The following GRK5 variants were observed in gnomAD, a reference collection of about 807,000 sequenced individuals.
GRK5 encodes G protein-coupled receptor kinase 5, also known as g protein-coupled receptor kinase GRK5.
In GRK5, 40 loss-of-function variants were observed where a neutral mutation model predicts 78.4. The observed-to-expected ratio is 0.51, with a 90% CI of 0.40 to 0.66. The LOEUF (loss-of-function observed/expected upper bound fraction) is 0.66. Among genes scored for constraint, GRK5 ranks in the 30% least tolerant of loss-of-function variants. The pLI is 0.00. For missense variants in GRK5, 598 were observed against 759.9 expected (o/e 0.79, Z 2.50); for synonymous variants, 289 against 296.8 (o/e 0.97, Z 0.27).
chr10:119,228,110 A>G (rs191869613), intron 1 of GRK5, among the ~76,000 whole-genome samples: 5 of 152,294 alleles, frequency 3.3e-5, no homozygotes, highest in Non-Finnish European at 7.4e-5. Context: ...GTAGACTCAT[A>G]CATAGCTATT....
intron 1 of GRK5, among the ~76,000 whole-genome samples, chr10:119,323,892 G>T (rs1589744840): frequency 2.6e-5 from 4 of 152,042 alleles, no homozygotes; most frequent in Admixed American, 2.6e-4. Context: ...TATCATTCTT[G>T]TGCCTTTGTG....
chr10:119,420,592 C>CT (rs1210530768), intron 4 of GRK5, among the ~76,000 whole-genome samples: 5 of 90,730 alleles, frequency 5.5e-5, no homozygotes, highest in Admixed American at 1.1e-4. Flanking sequence ...TTTCTTTTTT[C>CT]TTTTGAGACA....
chr10:119,289,236 G>A (rs1381151375), intron 1 of GRK5, among the ~76,000 whole-genome samples: 2 of 152,106 alleles, frequency 1.3e-5, no homozygotes, highest in African/African-American at 4.8e-5. Flanking sequence ...CTTCTCTGTG[G>A]CCCCTGCTCA....
At chr10:119,316,408 T>C (rs574733978) in intron 1 of GRK5, among the ~76,000 whole-genome samples, 1 of 152,276 alleles carries the variant, frequency 6.6e-6, no homozygotes, top group East Asian at 1.9e-4. Context: ...TGCAACACAG[T>C]TCTAACTACC....
intron 4 of GRK5, among the ~76,000 whole-genome samples, chr10:119,418,078 C>T (rs762062419): frequency 1.3e-5 from 2 of 152,194 alleles, no homozygotes; most frequent in Non-Finnish European, 2.9e-5. Flanking sequence ...CCAGCACGAG[C>T]TCTGTCCGAT....
intron 3 of GRK5, among the ~76,000 whole-genome samples, chr10:119,394,545 G>GTGT (rs1554916376): frequency 1.6e-3 from 20 of 12,862 alleles, no homozygotes; most frequent in Admixed American, 1.8e-3. Flanking sequence ...ATCTGTGTGT[G>GTGT]GGGGCACGTG....
intron 5 of GRK5, among the ~76,000 whole-genome samples, chr10:119,423,981 C>T (rs1267833180): frequency 6.6e-6 from 1 of 152,172 alleles, no homozygotes; most frequent in Non-Finnish European, 1.5e-5. Flanking sequence ...CCAAGGTGAA[C>T]AAGAACCCAA....
At chr10:119,392,379 A>G (rs867196934) in intron 3 of GRK5, among the ~76,000 whole-genome samples, 3 of 152,192 alleles carry the variant, frequency 2.0e-5, no homozygotes, top group African/African-American at 7.2e-5. Context: ...TATCTGGATT[A>G]TGGATTGTCA....
At chr10:119,381,056 C>T in intron 3 of GRK5, 129 bp downstream of exon 3, 1 of 596,968 alleles carries the variant, frequency 1.7e-6, no homozygotes, top group South Asian at 2.4e-5. Context: ...AAAACTCCCA[C>T]TACAGACTTT....
intron 2 of GRK5, among the ~76,000 whole-genome samples, chr10:119,361,281 A>C (rs1851358205): frequency 6.6e-6 from 1 of 152,156 alleles, no homozygotes; most frequent in Non-Finnish European, 1.5e-5. Flanking sequence ...GTGCGGGAAC[A>C]TGAGCAGAAG....
At chr10:119,233,063 C>A (rs566911929) in intron 1 of GRK5, among the ~76,000 whole-genome samples, 6 of 152,298 alleles carry the variant, frequency 3.9e-5, no homozygotes, top group African/African-American at 1.4e-4. Flanking sequence ...GTCTGGGCCT[C>A]CCTCAGTGGC....
At chr10:119,405,175 G>A (rs79137271) in intron 4 of GRK5, among the ~76,000 whole-genome samples, 3,197 of 152,222 alleles carry the variant, frequency 0.021, 111 homozygotes, top group African/African-American at 0.071. Flanking sequence ...AAGGGCCTGC[G>A]TGGGTTCTTC....
chr10:119,229,309 A>G (rs939460252), intron 1 of GRK5, among the ~76,000 whole-genome samples: 5 of 151,938 alleles, frequency 3.3e-5, no homozygotes, highest in African/African-American at 1.2e-4. Flanking sequence ...TTTAATAGTA[A>G]CCACCATTAT....
chr10:119,395,165 T>A (rs994922676), intron 3 of GRK5, among the ~76,000 whole-genome samples: 4 of 152,156 alleles, frequency 2.6e-5, no homozygotes, highest in African/African-American at 9.7e-5. Context: ...AAATGAGGGG[T>A]GGGATTCCTT....
At chr10:119,322,608 T>C (rs1850605127) in intron 1 of GRK5, among the ~76,000 whole-genome samples, 1 of 152,210 alleles carries the variant, frequency 6.6e-6, no homozygotes. Flanking sequence ...AGTGTGCATG[T>C]ATAAAATAGA....
At chr10:119,215,659 A>G (rs1271430992) in intron 1 of GRK5, among the ~76,000 whole-genome samples, 2 of 152,054 alleles carry the variant, frequency 1.3e-5, no homozygotes, top group Admixed American at 1.3e-4. Flanking sequence ...TTAAGCTACC[A>G]TATCCTCCCC....
At chr10:119,245,939 G>C (rs4495807) in intron 1 of GRK5, among the ~76,000 whole-genome samples, 24,943 of 143,270 alleles carry the variant, frequency 0.17, 3,071 homozygotes, top group African/African-American at 0.35. Flanking sequence ...AGAATGGCGT[G>C]AACCCGGGAG....
At chr10:119,235,567 C>T (rs954222309) in intron 1 of GRK5, among the ~76,000 whole-genome samples, 2 of 152,058 alleles carry the variant, frequency 1.3e-5, no homozygotes, top group South Asian at 2.1e-4. Flanking sequence ...AAGGCACACT[C>T]GGGTTGTTCA....
intron 1 of GRK5, among the ~76,000 whole-genome samples, chr10:119,316,039 C>G (rs1850481681): frequency 1.3e-5 from 2 of 152,196 alleles, no homozygotes; most frequent in African/African-American, 4.8e-5. Context: ...CCTCGCTACC[C>G]CATGTCCTTG....
Sources: gnomAD v4.1 joint callset for allele counts (sites outside exome capture counted in the v4.1 genomes callset) on GRCh38, gnomAD v4.1.1 for gene constraint, MANE v1.5 for transcripts, NCBI Gene and HGNC (gene_info 2026-07-23, HGNC 2026-07-21) for gene names.